The following FNIP2 variants were observed in gnomAD, a reference collection of about 807,000 sequenced individuals.
The protein encoded by FNIP2 is folliculin-interacting protein 2.
In FNIP2, 32 loss-of-function variants were observed where a neutral mutation model predicts 108.7. The ratio of observed to expected loss-of-function variants is 0.29; its 90% CI spans 0.22 to 0.40. The LOEUF is 0.40. Ranked by LOEUF, FNIP2 falls within the 10% of genes least tolerant of loss-of-function variation. FNIP2 has a pLI of 1.00. For missense variants in FNIP2, 1,202 were observed against 1,381.6 expected (o/e 0.87, Z 2.06); for synonymous variants, 480 against 496.7 (o/e 0.97, Z 0.45).
Position 158,859,114 on chromosome 4 carries a change from G to C in FNIP2, c.915G>C (p.Met305Ile), listed in dbSNP as rs781462010. ...AAACCTGTAGCTCTAATCCAGCTAT[G>C]GTTAGGAGGAAGAAAATTGCCATAA... Reference protein sequence around the residue: ...AEETCSSNPAMVRRKKIAISI... With the variant: ...AEETCSSNPAIVRRKKIAISI... The change falls in exon 9 of 17, where the codon ATG (methionine) becomes ATC (isoleucine). Residue 305 changes from methionine (M) to isoleucine (I), a missense_variant. This residue lies in a region of FNIP2 where 878 missense variants were observed against 990.3 expected (regional missense o/e 0.89). Transcript: ENST00000264433. The C allele has an allele frequency of 1.2e-6, 2 of 1,613,854 alleles. No individual in the cohort carries two copies. Among genetic ancestry groups the C allele is most frequent in the South Asian group, 2.2e-5 (2 of 91,074 alleles).
At chr4:158,877,401 A>G (rs1781345959) in intron 14 of FNIP2, among the ~76,000 whole-genome samples, 2 of 152,178 alleles carry the variant, frequency 1.3e-5, no homozygotes, top group South Asian at 2.1e-4. Flanking sequence ...TCCCTTAGCA[A>G]TGTCCCAAGG....
chr4:158,885,234 A>T (rs1349785519), intron 14 of FNIP2, among the ~76,000 whole-genome samples: 1 of 151,852 alleles, frequency 6.6e-6, no homozygotes, highest in East Asian at 1.9e-4. Context: ...CATGATCCAA[A>T]CTCCTCCTAC....
At chr4:158,832,504 T>G (rs1428583179) in intron 5 of FNIP2, among the ~76,000 whole-genome samples, 12 of 152,208 alleles carry the variant, frequency 7.9e-5, no homozygotes, top group Admixed American at 7.8e-4. Context: ...TATTTTGAAC[T>G]TTCAAGCAGA....
At chr4:158,881,103 G>GTA (rs1781564874) in intron 14 of FNIP2, among the ~76,000 whole-genome samples, 1 of 152,182 alleles carries the variant, frequency 6.6e-6, no homozygotes, top group African/African-American at 2.4e-5. Context: ...TTTAATAAAT[G>GTA]TATTAAACTT....
chr4:158,903,229 A>G (rs567624608), intron 16 of FNIP2, among the ~76,000 whole-genome samples: 18 of 152,206 alleles, frequency 1.2e-4, no homozygotes, highest in Middle Eastern at 3.4e-3. Flanking sequence ...GGGTAGGGGA[A>G]ACAATTCCCT....
chr4:158,871,350 C>A, intron 14 of FNIP2: 1 of 975,786 alleles, frequency 1.0e-6, no homozygotes, highest in African/African-American at 1.8e-5. Context: ...GGAAAGTCCT[C>A]ATCGCATTAA....
At chr4:158,835,239 ATC>A (rs897069809) in intron 6 of FNIP2, 164 bp from the exon 7 acceptor site, 2 of 378,700 alleles carry the variant, frequency 5.3e-6, no homozygotes, top group African/African-American at 4.1e-5. Flanking sequence ...TCTTCTCATC[ATC>A]TTTTTATATA....
At chr4:158,857,194 A>C (rs540772514) in intron 8 of FNIP2, among the ~76,000 whole-genome samples, 1 of 152,340 alleles carries the variant, frequency 6.6e-6, no homozygotes, top group Admixed American at 6.5e-5. Context: ...CCTAAAGATG[A>C]GTGGACTGAT....
chr4:158,807,945 T>A (rs972694320), intron 1 of FNIP2, among the ~76,000 whole-genome samples: 3 of 152,214 alleles, frequency 2.0e-5, no homozygotes, highest in Non-Finnish European at 4.4e-5. Flanking sequence ...CTATCTGTTT[T>A]TATCTGTTTC....
chr4:158,788,037 C>A (rs1176152052), intron 1 of FNIP2, among the ~76,000 whole-genome samples: 2 of 152,174 alleles, frequency 1.3e-5, no homozygotes, highest in Non-Finnish European at 2.9e-5. Flanking sequence ...AGGTTTCGAA[C>A]CCTGACACTA....
chr4:158,810,281 G>C (rs1053165971), intron 1 of FNIP2, among the ~76,000 whole-genome samples: 1 of 152,216 alleles, frequency 6.6e-6, no homozygotes, highest in Admixed American at 6.5e-5. Context: ...GAAGTGGGTA[G>C]AGAGAAAAAA....
At chr4:158,817,544 ATTTTTTC>A (rs1453204354) in intron 1 of FNIP2, among the ~76,000 whole-genome samples, 1 of 151,556 alleles carries the variant, frequency 6.6e-6, no homozygotes, top group Non-Finnish European at 1.5e-5. Flanking sequence ...CCCATTTCCC[ATTTTTTC>A]TTTTTTCTTT....
chr4:158,866,437 C>T lies in FNIP2; in HGVS notation c.1466-1665C>T, dbSNP rs1315398868. 4.7e-5 allele frequency among the ~76,000 whole-genome samples: 7 copies of T among 150,510 alleles called. 1 individual carries two copies. The East Asian group carries it at 5.9e-4, about 13-fold the overall frequency. On this transcript the variant is annotated intron_variant, in intron 12 of 16. Coordinates refer to ENST00000264433, the MANE Select transcript of FNIP2 (RefSeq NM_020840.3). ...TTCACCCTGTTGGCCAGGCTGGTCT[C>T]GAACTCCTGACCTCAAGTGATCCGC...
chr4:158,788,238 G>A (rs1195920144), intron 1 of FNIP2, among the ~76,000 whole-genome samples: 1 of 152,182 alleles, frequency 6.6e-6, no homozygotes, highest in African/African-American at 2.4e-5. Flanking sequence ...AGCCTTTGCC[G>A]ATAATCTGCT....
chr4:158,850,656 T>C (rs1438291982), intron 7 of FNIP2, among the ~76,000 whole-genome samples: 1 of 147,242 alleles, frequency 6.8e-6, no homozygotes, highest in Non-Finnish European at 1.5e-5. Flanking sequence ...AGGATAAGTA[T>C]TGTATATATG....
At chr4:158,789,184 T>C (rs1379576395) in intron 1 of FNIP2, among the ~76,000 whole-genome samples, 1 of 152,208 alleles carries the variant, frequency 6.6e-6, no homozygotes, top group Non-Finnish European at 1.5e-5. Flanking sequence ...GAATAAGTGC[T>C]GTAGAATCCA....
chr4:158,832,256 A>C lies in FNIP2; in HGVS notation c.554+118A>C, dbSNP rs572159915. On this transcript the variant is annotated intron_variant, in intron 5 of 16. Coordinates refer to ENST00000264433, the MANE Select transcript of FNIP2 (RefSeq NM_020840.3). ...ATGACAAGCAGAATGAGTCCAAATTAACAAAGGGGCTTTAAAAGTGGCTAC... is the reference window on the plus strand; with the variant it reads ...ATGACAAGCAGAATGAGTCCAAATTCACAAAGGGGCTTTAAAAGTGGCTAC... 3.7e-5 allele frequency: 28 copies of C among 762,896 alleles called. 1 individual carries two copies. In the South Asian group the frequency reaches 5.6e-4, roughly 15 times the overall value. 47.3% of individuals were successfully genotyped at this position (762,896 alleles called of 1,614,324 possible). A position where few individuals can be genotyped will look rare whatever the true frequency, so the allele number is the denominator to read the frequency against.
intron 8 of FNIP2, 42 bp downstream of exon 8, chr4:158,851,492 A>G (rs1275906916): frequency 1.2e-6 from 2 of 1,604,958 alleles, no homozygotes; most frequent in Non-Finnish European, 1.7e-6. Flanking sequence ...GTAGGAGTGT[A>G]GGCAGCTTGA....
At chr4:158,897,457 A>G (rs1270701694) in intron 16 of FNIP2, among the ~76,000 whole-genome samples, 2 of 152,238 alleles carry the variant, frequency 1.3e-5, no homozygotes, top group South Asian at 2.1e-4. Context: ...GACTCCCATC[A>G]ACAGTGTAAA....
Sources: gnomAD v4.1 joint callset for allele counts (sites outside exome capture counted in the v4.1 genomes callset) on GRCh38, gnomAD v4.1.1 for gene constraint, gnomAD v4.1.1 regional missense constraint, MANE v1.5 for transcripts, NCBI Gene and HGNC (gene_info 2026-07-23, HGNC 2026-07-21) for gene names.